The following ATRX variants were observed in gnomAD, a reference collection of about 807,000 sequenced individuals.
ATRX encodes chromatin remodeler ATRX.
Under a neutral mutation model 172.6 loss-of-function variants are expected in ATRX, and 12 were observed. That is an observed-to-expected ratio of 0.07 (90% confidence interval 0.04 to 0.11). The LOEUF (loss-of-function observed/expected upper bound fraction) is 0.11. Among genes scored for constraint, ATRX ranks in the 10% least tolerant of loss-of-function variants. The pLI is 1.00. For missense variants in ATRX, 1,368 were observed against 1,767.4 expected (o/e 0.77, Z 4.05); for synonymous variants, 674 against 594.7 (o/e 1.13, Z -1.94).
intron 10 of ATRX, among the ~76,000 whole-genome samples, chrX:77,667,295 ATGTGTGTGTGTGTGTGTG>A (rs782297684): frequency 1.1e-3 from 101 of 89,058 alleles, no homozygotes; most frequent in Non-Finnish European, 1.7e-3. Context: ...ACGAATAAAT[ATGTGTGTGTGTGTGTGTG>A]TGTGTGTGTG....
intron 1 of ATRX, among the ~76,000 whole-genome samples, chrX:77,775,464 C>CT (rs1416052522): frequency 2.7e-5 from 3 of 111,124 alleles, no homozygotes; most frequent in Non-Finnish European, 5.7e-5. Context: ...GGGCAGATAG[C>CT]TTGAGTCCAG....
chrX:77,711,705 G>A (rs1042096397), intron 2 of ATRX, among the ~76,000 whole-genome samples: 4 of 111,756 alleles, frequency 3.6e-5, no homozygotes, highest in African/African-American at 1.3e-4. Context: ...CGTGGTGGCA[G>A]GTGCCTGTAA....
intron 22 of ATRX, among the ~76,000 whole-genome samples, chrX:77,611,881 T>C (rs1557094214): frequency 6.3e-5 from 7 of 111,676 alleles, no homozygotes; most frequent in African/African-American, 9.7e-5. Context: ...TCTGTGCCCA[T>C]TAATATGTAC....
At chrX:77,661,238 A>ACATTT (rs1456880064) in intron 12 of ATRX, among the ~76,000 whole-genome samples, 1 of 112,082 alleles carries the variant, frequency 8.9e-6, no homozygotes, top group Admixed American at 9.5e-5. Flanking sequence ...TTCAAATAAA[A>ACATTT]CATTTTTTAA....
chrX:77,747,716 C>T (rs186278644), intron 1 of ATRX, among the ~76,000 whole-genome samples: 52 of 111,351 alleles, frequency 4.7e-4, no homozygotes, highest in African/African-American at 1.5e-3. Context: ...TTAAGCAGCC[C>T]AGGGGTAATC....
chrX:77,691,812 T>A (rs1411844809), intron 6 of ATRX, among the ~76,000 whole-genome samples: 3 of 111,947 alleles, frequency 2.7e-5, no homozygotes, highest in Non-Finnish European at 5.6e-5. Flanking sequence ...TTTATCTATA[T>A]ATGTGTATAT....
intron 1 of ATRX, among the ~76,000 whole-genome samples, chrX:77,735,449 C>T (rs909864618): frequency 2.7e-5 from 3 of 110,960 alleles, no homozygotes; most frequent in African/African-American, 6.5e-5. Flanking sequence ...AAAAATTAGC[C>T]GGCACAGTGA....
chrX:77,658,886 C>T (rs2069701891), intron 12 of ATRX, among the ~76,000 whole-genome samples: 1 of 111,722 alleles, frequency 9.0e-6, no homozygotes, highest in Admixed American at 9.6e-5. Context: ...ATTTGTGTAA[C>T]ATTTCTGTAA....
intron 15 of ATRX, among the ~76,000 whole-genome samples, chrX:77,640,123 A>G (rs2068578868): frequency 1.8e-5 from 2 of 111,774 alleles, no homozygotes. Context: ...GGAACTAAAC[A>G]CTGAGCACAC....
chrX:77,724,252 AGAC>A (rs1406733625), intron 1 of ATRX, among the ~76,000 whole-genome samples: 2 of 110,107 alleles, frequency 1.8e-5, no homozygotes, highest in Non-Finnish European at 3.8e-5. Context: ...ACTCCGGCCT[AGAC>A]AACAGAGCAA....
chrX:77,657,180 T>C (rs1958252424), intron 12 of ATRX, among the ~76,000 whole-genome samples: 1 of 111,383 alleles, frequency 9.0e-6, no homozygotes, highest in Non-Finnish European at 1.9e-5. Context: ...GTTATTTTCT[T>C]TCTTTGTTTC....
At chrX:77,741,993 A>C (rs1184134350) in intron 1 of ATRX, among the ~76,000 whole-genome samples, 2 of 111,302 alleles carry the variant, frequency 1.8e-5, no homozygotes, top group African/African-American at 6.5e-5. Flanking sequence ...GCCCAACTTA[A>C]TTGTTCCATG....
chrX:77,528,956 T>C, intron 30 of ATRX, among the ~76,000 whole-genome samples: 1 of 112,240 alleles, frequency 8.9e-6, no homozygotes, highest in Middle Eastern at 4.2e-3. Flanking sequence ...ATAGCCAGTT[T>C]AGAGAGGAAC....
At chrX:77,592,370 G>A (rs1056730589) in intron 26 of ATRX, among the ~76,000 whole-genome samples, 1 of 95,190 alleles carries the variant, frequency 1.1e-5, no homozygotes, top group Non-Finnish European at 2.0e-5. Context: ...CTGAGATTGC[G>A]CCACTGCACT....
intron 22 of ATRX, 148 bp from the exon 23 acceptor site, chrX:77,600,712 CAT>C: frequency 5.5e-6 from 3 of 546,631 alleles, no homozygotes; most frequent in South Asian, 3.3e-5. Context: ...TTTTGAAACA[CAT>C]AAAACAAATA....
intron 1 of ATRX, among the ~76,000 whole-genome samples, chrX:77,752,307 G>T (rs186067069): frequency 1.8e-5 from 2 of 111,704 alleles, no homozygotes; most frequent in East Asian, 2.8e-4. Context: ...GAATGCTTAT[G>T]ATTTTTGCAC....
chrX:77,759,031 T>C (rs903543144), intron 1 of ATRX, among the ~76,000 whole-genome samples: 6 of 112,071 alleles, frequency 5.4e-5, no homozygotes, highest in Non-Finnish European at 9.4e-5. Context: ...TTTAAATTTA[T>C]TTATTCAGAT....
At chrX:77,765,834 T>A (rs1254241769) in intron 1 of ATRX, among the ~76,000 whole-genome samples, 2 of 104,291 alleles carry the variant, frequency 1.9e-5, no homozygotes, top group African/African-American at 7.2e-5. Flanking sequence ...CAGAGGACCC[T>A]GCGGCCTTCC....
intron 34 of ATRX, 149 bp downstream of exon 34, chrX:77,520,639 C>T: frequency 3.2e-6 from 2 of 617,979 alleles, no homozygotes; most frequent in Non-Finnish European, 4.7e-6. Context: ...CTTGACATTC[C>T]TGGGTTTTTT....
Sources: allele counts gnomAD v4.1 joint callset (sites outside exome capture counted in the v4.1 genomes callset), GRCh38; gene constraint gnomAD v4.1.1; transcripts MANE v1.5; gene names NCBI Gene and HGNC (gene_info 2026-07-23, HGNC 2026-07-21).